Variants in ECT2 observed in about 807,000 individuals in gnomAD.
The protein encoded by ECT2 is epithelial cell transforming 2, also known as protein ECT2.
In ECT2, 61 loss-of-function variants were observed where a neutral mutation model predicts 116.9. The observed-to-expected ratio is 0.52, with a 90% CI of 0.42 to 0.65. ECT2 has a LOEUF of 0.65. ECT2 is among the 30% of genes least tolerant of loss of function. The pLI, the probability that ECT2 is intolerant of heterozygous loss-of-function variation, is 0.00. For synonymous variants in ECT2, 358 were observed against 346.4 expected (o/e 1.03, Z -0.37); for missense variants, 937 against 1,078.7 (o/e 0.87, Z 1.84).
chr3:172,807,202 T>C (rs963886897), intron 21 of ECT2, among the ~76,000 whole-genome samples: 2 of 152,174 alleles, frequency 1.3e-5, no homozygotes, highest in Admixed American at 6.5e-5. Flanking sequence ...ACCTACACAG[T>C]GTAAATGCTG....
chr3:172,818,582 G>A (rs1406729264), intron 24 of ECT2: 1 of 1,284,270 alleles, frequency 7.8e-7, no homozygotes, highest in Non-Finnish European at 1.0e-6. Context: ...AATGTAATTG[G>A]ATTTACTAAG....
intron 22 of ECT2, among the ~76,000 whole-genome samples, chr3:172,811,162 A>C (rs1239518430): frequency 6.6e-6 from 1 of 152,044 alleles, no homozygotes; most frequent in Non-Finnish European, 1.5e-5. Context: ...TATATTTTAG[A>C]AATTTAGGGA....
chr3:172,790,628 T>C (rs781217865), intron 18 of ECT2, among the ~76,000 whole-genome samples: 17 of 152,204 alleles, frequency 1.1e-4, no homozygotes, highest in Non-Finnish European at 2.4e-4. Flanking sequence ...GTTCTATCTG[T>C]GGCAGCTATA....
chr3:172,777,747 A>C (rs1235020477), intron 14 of ECT2, among the ~76,000 whole-genome samples: 7 of 152,126 alleles, frequency 4.6e-5, no homozygotes, highest in Admixed American at 2.6e-4. Context: ...AAAAATGCAA[A>C]AATTAGCTGG....
In ECT2 at chr3:172,816,737, G is replaced by T; in HGVS notation, c.2555G>T (p.Arg852Leu). 6.2e-7 allele frequency: 1 copy of T among 1,607,668 alleles called. No individual in the cohort carries two copies. Among genetic ancestry groups the T allele is most frequent in the Non-Finnish European group, 8.5e-7 (1 of 1,175,752 alleles). The change falls in exon 24 of 25, where the codon CGA becomes CTA. Residue 852 changes from arginine (R) to leucine (L), a missense_variant. Physicochemically the swap from Arg to Leu is moderately radical, Grantham distance 102 (BLOSUM62 -2). Coordinates refer to ENST00000392692, the MANE Select transcript of ECT2 (RefSeq NM_001258315.2). Reference protein sequence around the residue: ...SFSKTPKRALRRALMTSHGSV... With the variant: ...SFSKTPKRALLRALMTSHGSV... ...TCCAAAACTCCAAAAAGAGCTCTTC[G>T]AAGGGCTCTTATGACATCCCACGGC...
At chr3:172,759,834 C>G (rs1418749019) in intron 6 of ECT2, among the ~76,000 whole-genome samples, 1 of 152,084 alleles carries the variant, frequency 6.6e-6, no homozygotes, top group East Asian at 1.9e-4. Context: ...TGTGATAAAA[C>G]TTGGTATTTT....
chr3:172,817,034 A>G (rs944876164), intron 24 of ECT2, among the ~76,000 whole-genome samples, 197 bp downstream of exon 24: 1 of 152,098 alleles, frequency 6.6e-6, no homozygotes, highest in African/African-American at 2.4e-5. Flanking sequence ...ATTCTTTCTT[A>G]TGTACTAAGT....
chr3:172,755,395 GT>G (rs753211901), intron 3 of ECT2, 21 bp downstream of exon 3: 97 of 1,579,394 alleles, frequency 6.1e-5, no homozygotes, highest in South Asian at 8.2e-5. Context: ...TTAGGTTTTA[GT>G]TTTTTTTGTA....
At chr3:172,787,229 ATAT>A (rs1723762754) in intron 18 of ECT2, among the ~76,000 whole-genome samples, 1 of 152,164 alleles carries the variant, frequency 6.6e-6, no homozygotes, top group Admixed American at 6.6e-5. Context: ...ATATATCAGT[ATAT>A]TTAATAGGTT....
intron 20 of ECT2, among the ~76,000 whole-genome samples, chr3:172,805,204 TATACTGAAAC>T (rs60068860): frequency 0.061 from 9,288 of 152,180 alleles, 949 homozygotes; most frequent in African/African-American, 0.21. Flanking sequence ...CAGATTATGT[TATACTGAAAC>T]TAATTTGGGA....
intron 2 of ECT2, 96 bp from the exon 3 acceptor site, chr3:172,755,199 T>C: frequency 1.2e-6 from 1 of 815,772 alleles, no homozygotes; most frequent in Non-Finnish European, 1.8e-6. Flanking sequence ...CCCTCAAAGA[T>C]GTAATACATA....
chr3:172,803,824 G>A lies in ECT2; in HGVS notation c.2106+844G>A, dbSNP rs187199692. 8.1e-4 allele frequency among the ~76,000 whole-genome samples: 106 copies of A among 130,332 alleles called. 2 individuals carry two copies. In the East Asian group the frequency reaches 0.01, roughly 12 times the overall value. The allele number at this position is 130,332 out of a possible 152,430, so 85.5% of individuals were successfully genotyped here. A position where few individuals can be genotyped will look rare whatever the true frequency, so the allele number is the denominator to read the frequency against. On this transcript the variant is annotated intron_variant, in intron 20 of 24. Coordinates refer to ENST00000392692, the MANE Select transcript of ECT2 (RefSeq NM_001258315.2). ...TCTTTTCGTTTTTCTTTTTTTTTTCGACAGGGTCTTACTCTCATTGCCCAG... is the reference window on the plus strand; with the variant it reads ...TCTTTTCGTTTTTCTTTTTTTTTTCAACAGGGTCTTACTCTCATTGCCCAG...
intron 20 of ECT2, among the ~76,000 whole-genome samples, chr3:172,805,289 A>G (rs1727485405): frequency 6.6e-6 from 1 of 152,158 alleles, no homozygotes; most frequent in Non-Finnish European, 1.5e-5. Flanking sequence ...TAAACTCTGT[A>G]CTAGCATTTG....
At chr3:172,824,112 G>A (rs1356990263), downstream of ECT2, among the ~76,000 whole-genome samples, 1 of 151,976 alleles carries the variant, frequency 6.6e-6, no homozygotes, top group Non-Finnish European at 1.5e-5. Context: ...AACAATTGCA[G>A]GCTTAACTAA....
At chr3:172,794,483 A>T (rs944378222) in intron 18 of ECT2, among the ~76,000 whole-genome samples, 4 of 152,176 alleles carry the variant, frequency 2.6e-5, no homozygotes, top group African/African-American at 9.7e-5. Flanking sequence ...CCAGTACCAC[A>T]CTGCCTTGAT....
At position 172,777,701 on chromosome 3, in the gene ECT2, C is replaced by T. The variant is rs9863704; in HGVS notation, c.1548+3679C>T. Among the ~76,000 whole-genome samples, 458 of 152,272 alleles carry T rather than the reference C, an allele frequency of 3.0e-3. 5 individuals are homozygous for T. The highest frequency in any genetic ancestry group is 0.011 in the African/African-American group (445 of 41,558). ...ATTGCCTGAGCCCAGGAGTTTGAGA[C>T]CAGCCTGGGCAACAAGGCAAAACCC... is the stretch of plus-strand genomic sequence containing the variant. On this transcript the variant is annotated intron_variant, in intron 14 of 24. Coordinates refer to ENST00000392692, the MANE Select transcript of ECT2 (RefSeq NM_001258315.2).
chr3:172,803,790 G>C (rs1727157636), intron 20 of ECT2, among the ~76,000 whole-genome samples: 3 of 149,896 alleles, frequency 2.0e-5, no homozygotes, highest in Admixed American at 1.3e-4. Flanking sequence ...CTCTGTTTCT[G>C]TTTCTGTTTC....
At chr3:172,801,302 A>G (rs1394487433) in intron 18 of ECT2, among the ~76,000 whole-genome samples, 2 of 152,056 alleles carry the variant, frequency 1.3e-5, no homozygotes, top group Non-Finnish European at 2.9e-5. Flanking sequence ...TTCATGTCTT[A>G]CTCTTAAACT....
chr3:172,761,170 T>C (rs1486121144), intron 7 of ECT2, among the ~76,000 whole-genome samples: 2 of 152,226 alleles, frequency 1.3e-5, no homozygotes, highest in African/African-American at 2.4e-5. Context: ...GAGTTTATCA[T>C]TTTTTCTTAG....
Sources: gnomAD v4.1 joint callset for allele counts (sites outside exome capture counted in the v4.1 genomes callset) on GRCh38, gnomAD v4.1.1 for gene constraint, MANE v1.5 for transcripts, NCBI Gene and HGNC (gene_info 2026-07-23, HGNC 2026-07-21) for gene names.